Variants in DCC observed in about 807,000 individuals in gnomAD.
DCC encodes the protein netrin receptor DCC.
DCC carries 58 observed loss-of-function variants against 172.5 expected under a neutral mutation model. That is an observed-to-expected ratio of 0.34 (90% confidence interval 0.27 to 0.42). The LOEUF is 0.42. DCC is among the 10% of genes least tolerant of loss of function. DCC has a pLI of 1.00. For synonymous variants in DCC, 709 were observed against 644.5 expected, an observed-to-expected ratio of 1.10 and a Z score of -1.52; for missense variants, 1,740 against 1,791.0, an observed-to-expected ratio of 0.97 and a Z score of 0.51.
chr18:53,025,441 G>A (rs756301895), intron 5 of DCC, among the ~76,000 whole-genome samples: 4 of 151,978 alleles, frequency 2.6e-5, no homozygotes, highest in Non-Finnish European at 4.4e-5. Context: ...TTGTACCTTG[G>A]CCCTTCCCTG....
intron 19 of DCC, among the ~76,000 whole-genome samples, chr18:53,406,679 G>T (rs1375048913): frequency 2.0e-5 from 3 of 146,736 alleles, no homozygotes; most frequent in African/African-American, 7.5e-5. Flanking sequence ...ATTCCAGCCC[G>T]GGTGACAGAG....
At position 52,610,151 on chromosome 18, in the gene DCC, TAAAAAAAAAAA is replaced by T. The variant is rs1171109968; in HGVS notation, c.92-141885_92-141875del. ...CAACATGGCAAAACCCCATCTCTCA[TAAAAAAAAAAA>T]AAAAAAAAAAAAAAAAATATATATA... is the stretch of plus-strand genomic sequence containing the variant. On this transcript the variant is annotated intron_variant, in intron 1 of 28. Coordinates refer to ENST00000442544, the MANE Select transcript of DCC (RefSeq NM_005215.4). Among the ~76,000 whole-genome samples the T allele has an allele frequency of 4.5e-3, 85 of 18,944 alleles. 3 individuals carry two copies. The highest frequency in any genetic ancestry group is 0.012 in the South Asian group (5 of 404). 12.4% of individuals were successfully genotyped at this position (18,944 alleles called of 152,430 possible).
chr18:52,719,574 T>C (rs1202779246), intron 1 of DCC, among the ~76,000 whole-genome samples: 2 of 149,876 alleles, frequency 1.3e-5, no homozygotes, highest in South Asian at 2.1e-4. Context: ...ATGGCACTTA[T>C]GGTCCAGCGG....
rs551648972 is a variant in DCC at position 53,312,808 on chromosome 18, CA to C, written c.2053+7106del. Among the ~76,000 whole-genome samples, 454 of 61,832 alleles carry C rather than the reference CA, an allele frequency of 7.3e-3. 6 individuals are homozygous for C. Among genetic ancestry groups the C allele is most frequent in the Admixed American group, 0.035 (139 of 3,950 alleles). 40.6% of individuals were successfully genotyped at this position (61,832 alleles called of 152,430 possible). ...TGGGCGACAGAGCAAGACACTGTCT[CA>C]AAAAAAAAAAAAAAAAGCTTTTAAT... On this transcript the variant is annotated intron_variant, in intron 13 of 28. Transcript: ENST00000442544.
At chr18:52,976,134 G>A (rs868159633) in intron 5 of DCC, among the ~76,000 whole-genome samples, 1 of 151,624 alleles carries the variant, frequency 6.6e-6, no homozygotes, top group Non-Finnish European at 1.5e-5. Flanking sequence ...TCATATGATT[G>A]TTGGCTGCAT....
At chr18:52,486,917 CAT>C (rs1271431767) in intron 1 of DCC, among the ~76,000 whole-genome samples, 1 of 152,124 alleles carries the variant, frequency 6.6e-6, no homozygotes. Flanking sequence ...ACATATGAGA[CAT>C]ATGCTATTGT....
At chr18:52,933,518 C>T (rs8087615) in intron 5 of DCC, among the ~76,000 whole-genome samples, 1,601 of 151,666 alleles carry the variant, frequency 0.011, 31 homozygotes, top group African/African-American at 0.037. Flanking sequence ...GGATGGGGAA[C>T]GGGAAGTGAA....
At chr18:52,709,409 G>A (rs561727458) in intron 1 of DCC, among the ~76,000 whole-genome samples, 22 of 152,266 alleles carry the variant, frequency 1.4e-4, no homozygotes, top group African/African-American at 4.8e-4. Context: ...GTAGTATCAA[G>A]AAGAGGTCAA....
At position 53,499,468 on chromosome 18, in the gene DCC, A is replaced by G; in HGVS notation, c.4069A>G (p.Ile1357Val). 1.2e-6 allele frequency: 2 copies of G among 1,614,172 alleles called. No homozygotes were observed. Among genetic ancestry groups the G allele is most frequent in the South Asian group, 2.2e-5 (2 of 91,082 alleles). ...TTTGCTACCTCCACCAATGAGTGCAATAGAACCGAAAGTCCCTTACACACC... is the reference window on the plus strand; with the variant it reads ...TTTGCTACCTCCACCAATGAGTGCAGTAGAACCGAAAGTCCCTTACACACC... ...NPLLPPPMSA[I>V]EPKVPYTPLL... Residue 1357 changes from isoleucine (I) to valine (V), a missense_variant, in exon 27 of 29, where the codon ATA becomes GTA. Transcript: ENST00000442544.
chr18:53,345,088 T>G (rs769739742), intron 15 of DCC, among the ~76,000 whole-genome samples: 1 of 151,678 alleles, frequency 6.6e-6, no homozygotes, highest in Non-Finnish European at 1.5e-5. Flanking sequence ...TGTGTCCTAA[T>G]AAAACTTTAT....
intron 1 of DCC, among the ~76,000 whole-genome samples, chr18:52,565,089 G>A (rs1019554916): frequency 1.3e-5 from 2 of 152,146 alleles, no homozygotes; most frequent in African/African-American, 4.8e-5. Flanking sequence ...AGGAACTGCA[G>A]TGTAAGACTT....
intron 2 of DCC, among the ~76,000 whole-genome samples, chr18:52,904,089 C>T (rs867717439): frequency 2.0e-5 from 3 of 152,318 alleles, no homozygotes; most frequent in Middle Eastern, 3.4e-3. Context: ...TTTATCCAGG[C>T]ATCCCCATGG....
intron 1 of DCC, among the ~76,000 whole-genome samples, chr18:52,635,387 C>A (rs2034755006): frequency 6.6e-6 from 1 of 152,092 alleles, no homozygotes. Flanking sequence ...CTCAATTTAC[C>A]TTTTAGAAAT....
chr18:53,050,868 A>G (rs1048786059), intron 5 of DCC, among the ~76,000 whole-genome samples: 3 of 152,156 alleles, frequency 2.0e-5, no homozygotes, highest in African/African-American at 4.8e-5. Flanking sequence ...AGATATATCT[A>G]TACTTGCATA....
At chr18:52,677,190 G>T (rs1314643073) in intron 1 of DCC, among the ~76,000 whole-genome samples, 1 of 152,070 alleles carries the variant, frequency 6.6e-6, no homozygotes, top group Admixed American at 6.6e-5. Flanking sequence ...ATCTTTGAAT[G>T]AATTCTTTAA....
chr18:52,464,245 C>T (rs928629176), intron 1 of DCC, among the ~76,000 whole-genome samples: 2 of 152,060 alleles, frequency 1.3e-5, no homozygotes, highest in African/African-American at 4.8e-5. Context: ...TATATATACT[C>T]CTTTTGAATG....
intron 2 of DCC, among the ~76,000 whole-genome samples, chr18:52,828,007 T>C (rs2038542790): frequency 6.6e-6 from 1 of 151,996 alleles, no homozygotes; most frequent in Non-Finnish European, 1.5e-5. Context: ...ACATTTCCAC[T>C]TTACACAGAG....
intron 2 of DCC, among the ~76,000 whole-genome samples, chr18:52,846,452 A>G (rs1184720526): frequency 1.3e-5 from 2 of 152,028 alleles, no homozygotes; most frequent in Non-Finnish European, 2.9e-5. Flanking sequence ...AGGTAGGAGG[A>G]TTGCTTGAGC....
At chr18:53,530,229 G>T in intron 28 of DCC, 4 of 656,800 alleles carry the variant, frequency 6.1e-6, no homozygotes, top group Middle Eastern at 2.4e-4. Flanking sequence ...TTTTATAGAT[G>T]AAGAAAATTA....
Sources: gnomAD v4.1 joint callset for allele counts (sites outside exome capture counted in the v4.1 genomes callset) on GRCh38, gnomAD v4.1.1 for gene constraint, MANE v1.5 for transcripts, NCBI Gene and HGNC (gene_info 2026-07-23, HGNC 2026-07-21) for gene names.